Variants in ZNF445 observed in about 807,000 individuals in gnomAD.
The protein encoded by ZNF445 is zinc finger protein 168.
Under a neutral mutation model 93.9 loss-of-function variants are expected in ZNF445, and 19 were observed. The observed-to-expected ratio is 0.20, with a 90% CI of 0.14 to 0.30. The LOEUF (loss-of-function observed/expected upper bound fraction) is 0.30, where lower values mean the gene tolerates loss of function less well. ZNF445 is among the 10% of genes least tolerant of loss of function. The pLI is 1.00. For missense variants in ZNF445, 1,058 were observed against 1,259.4 expected (o/e 0.84, Z 2.42); for synonymous variants, 449 against 446.3 (o/e 1.01, Z -0.08).
intron 1 of ZNF445, among the ~76,000 whole-genome samples, chr3:44,461,859 G>T (rs921871128): frequency 6.6e-6 from 1 of 151,980 alleles, no homozygotes; most frequent in Non-Finnish European, 1.5e-5. Flanking sequence ...TTGTAAAGCG[G>T]CTTGAACCCC....
In ZNF445 at chr3:44,447,154, A is replaced by T; in HGVS notation, c.2517T>A (p.Arg839=). The T allele has an allele frequency of 6.2e-7, 1 of 1,614,200 alleles. No homozygotes were observed. The highest frequency in any genetic ancestry group is 8.5e-7 in the Non-Finnish European group (1 of 1,180,032). The part of the protein sequence containing the change: ...VEPKILTGEK[R]FWCQECGKTF... Reference sequence around the variant, plus strand: ...TTTTCCCACATTCTTGACACCAAAAACGTTTCTCACCAGTGAGGATTTTTG... The same window carrying T: ...TTTTCCCACATTCTTGACACCAAAATCGTTTCTCACCAGTGAGGATTTTTG... The change falls in exon 8 of 8, where the codon CGT becomes CGA. Residue 839 remains arginine, a synonymous_variant. Transcript: ENST00000396077. This position sits in a 1 kb window ranked among gnomAD's most constrained non-coding sequence, Gnocchi z 4.7.
chr3:44,436,432 T>A lies in ZNF445; in HGVS notation c.*10143A>T, dbSNP rs1697681021. 6.6e-6 allele frequency: 1 copy of A among 152,224 alleles called. No homozygotes were observed. Among genetic ancestry groups the A allele is most frequent in the African/African-American group, 2.4e-5 (1 of 41,466 alleles). The allele number at this position is 152,224 out of a possible 1,614,324, so 9.4% of individuals were successfully genotyped here. ...CTTCAGGGAGCATTTCCCACTGTAA[T>A]GTGGCCTGTATAGAATATCTGGCAC... On this transcript the variant is annotated 3_prime_UTR_variant, in exon 8 of 8. Transcript: ENST00000396077.
At chr3:44,474,318 T>C (rs759741721) in intron 1 of ZNF445, among the ~76,000 whole-genome samples, 8 of 152,042 alleles carry the variant, frequency 5.3e-5, no homozygotes, top group Non-Finnish European at 1.2e-4. Context: ...AGTTTGAGAC[T>C]AGCCTGACCA....
At chr3:44,476,696 CAG>C (rs1698362447) in intron 1 of ZNF445, among the ~76,000 whole-genome samples, 1 of 152,166 alleles carries the variant, frequency 6.6e-6, no homozygotes, top group Admixed American at 6.5e-5. Flanking sequence ...CTGTGCAAGT[CAG>C]AGTGTGCTAC....
In ZNF445 at chr3:44,448,332, G is replaced by A. The variant is rs1314022460; in HGVS notation, c.1339C>T (p.His447Tyr). The A allele has an allele frequency of 1.2e-6, 2 of 1,614,188 alleles. No individual in the cohort carries two copies. Among genetic ancestry groups the A allele is most frequent in the East Asian group, 2.2e-5 (1 of 44,878 alleles). The change falls in exon 8 of 8, where the codon CAT becomes TAT. Residue 447 changes from histidine (H) to tyrosine (Y), a missense_variant. Transcript: ENST00000396077. ...TTCAGTCCACTATGAATTCTCTGAT[G>A]TAGGCTGAAGCCCCCAATCATGTGT... is the stretch of plus-strand genomic sequence containing the variant. ...LRHMIGGFSLHQRIHSGLKGN... is the reference protein window; with the variant it reads ...LRHMIGGFSLYQRIHSGLKGN...
Position 44,461,398 on chromosome 3 carries a change from C to G in ZNF445, c.-268-3034G>C, listed in dbSNP as rs955192968. Among the ~76,000 whole-genome samples, 13 of 152,222 alleles carry G rather than the reference C, an allele frequency of 8.5e-5. 1 individual carries two copies. Among genetic ancestry groups the G allele is most frequent in the Admixed American group, 8.5e-4 (13 of 15,290 alleles). On this transcript the variant is annotated intron_variant, in intron 1 of 7. Coordinates refer to ENST00000396077, the MANE Select transcript of ZNF445 (RefSeq NM_181489.6). ...ATAGGAGGATAGCTTGGTTAGGGATCTGATTTAGAAGGCTGTCTGTCTCAT... is the reference window on the plus strand; with the variant it reads ...ATAGGAGGATAGCTTGGTTAGGGATGTGATTTAGAAGGCTGTCTGTCTCAT...
chr3:44,450,826 G>C, intron 5 of ZNF445, 42 bp downstream of exon 5: 1 of 1,471,744 alleles, frequency 6.8e-7, no homozygotes, highest in Non-Finnish European at 9.1e-7. Flanking sequence ...ATTAGGCAGC[G>C]ACGTGGGGAC....
chr3:44,450,718 T>G (rs1697945239), intron 5 of ZNF445, 145 bp from the exon 6 acceptor site: 1 of 1,313,426 alleles, frequency 7.6e-7, no homozygotes, highest in Non-Finnish European at 1.0e-6. Flanking sequence ...GCAGAAGACC[T>G]CTGGGCTTGA....
At position 44,441,170 on chromosome 3, in the gene ZNF445, C is replaced by T. The variant is rs1377668677; in HGVS notation, c.*5405G>A. 1 of 152,244 alleles carries T rather than the reference C, an allele frequency of 6.6e-6. No individual in the cohort carries two copies. The highest frequency in any genetic ancestry group is 6.5e-5 in the Admixed American group (1 of 15,290). 9.4% of individuals were successfully genotyped at this position (152,244 alleles called of 1,614,324 possible). ...CCTCATAATCCGCCCGCCTTGGCCTCCCAAAGTGCTGGGATTACAGGCATG... is the reference window on the plus strand; with the variant it reads ...CCTCATAATCCGCCCGCCTTGGCCTTCCAAAGTGCTGGGATTACAGGCATG... On this transcript the variant is annotated 3_prime_UTR_variant, in exon 8 of 8. Transcript: ENST00000396077.
chr3:44,437,543 T>C lies in ZNF445; in HGVS notation c.*9032A>G, dbSNP rs539046964. The stretch of plus-strand genomic sequence containing the variant: ...GTGAAAGGACAGCTACTCCATAGAG[T>C]AGGATGGAGTAACCTCTAACCTGAG... On this transcript the variant is annotated 3_prime_UTR_variant, in exon 8 of 8. Coordinates refer to ENST00000396077, the MANE Select transcript of ZNF445 (RefSeq NM_181489.6). 6.6e-6 allele frequency: 1 copy of C among 152,156 alleles called. No individual in the cohort carries two copies. Among genetic ancestry groups the C allele is most frequent in the Non-Finnish European group, 1.5e-5 (1 of 68,006 alleles). The allele number at this position is 152,156 out of a possible 1,614,324, so 9.4% of individuals were successfully genotyped here.
At chr3:44,458,789 C>T (rs1223943138) in intron 1 of ZNF445, among the ~76,000 whole-genome samples, 1 of 152,144 alleles carries the variant, frequency 6.6e-6, no homozygotes, top group Non-Finnish European at 1.5e-5. Flanking sequence ...TTTCTGCTGG[C>T]CGTAAATTCT....
chr3:44,477,609 G>T lies in ZNF445; in HGVS notation c.-287C>A. On this transcript the variant is annotated 5_prime_UTR_variant, in exon 1 of 8. Coordinates refer to ENST00000396077, the MANE Select transcript of ZNF445 (RefSeq NM_181489.6). ...CTCTCACCGACTCCCGCCGCCGAGC[G>T]ACAATCGGTCCACCCGCCGCCACCG... The T allele has an allele frequency of 6.6e-6, 1 of 152,196 alleles. No individual in the cohort carries two copies. Among genetic ancestry groups the T allele is most frequent in the South Asian group, 1.9e-4 (1 of 5,150 alleles). The allele number at this position is 152,196 out of a possible 1,614,324, so 9.4% of individuals were successfully genotyped here.
chr3:44,447,695 C>T lies in ZNF445; in HGVS notation c.1976G>A (p.Arg659His), dbSNP rs777430688. 3.7e-6 allele frequency: 6 copies of T among 1,614,150 alleles called. No individual in the cohort carries two copies. Among genetic ancestry groups the T allele is most frequent in the South Asian group, 2.2e-5 (2 of 91,086 alleles). Residue 659 changes from arginine to histidine, a missense_variant, in exon 8 of 8, where the codon CGT (arginine) becomes CAT (histidine). Coordinates refer to ENST00000396077, the MANE Select transcript of ZNF445 (RefSeq NM_181489.6). The surrounding 1 kb of genome is among the most constrained non-coding windows in gnomAD (Gnocchi z 4.7). ...EEKFYKQDEC[R>H]EGFRQSPDCS... ...GTCAGGAGATTGCCTGAAGCCTTCA[C>T]GACATTCATCTTGTTTGTAGAATTT...
In ZNF445 at chr3:44,436,999, G is replaced by A. The variant is rs1247114142; in HGVS notation, c.*9576C>T. The A allele has an allele frequency of 3.9e-5, 6 of 152,026 alleles. No individual in the cohort carries two copies. The highest frequency in any genetic ancestry group is 1.5e-4 in the African/African-American group (6 of 41,340). 9.4% of individuals were successfully genotyped at this position (152,026 alleles called of 1,614,324 possible). On this transcript the variant is annotated 3_prime_UTR_variant, in exon 8 of 8. Transcript: ENST00000396077. ...TTCAGGGCGAGTCCGTAAAGAGAAAGCAAGTTTATTAAGTAAAGGAATAAA... is the reference window on the plus strand; with the variant it reads ...TTCAGGGCGAGTCCGTAAAGAGAAAACAAGTTTATTAAGTAAAGGAATAAA...
At chr3:44,463,014 TG>T (rs1698140543) in intron 1 of ZNF445, among the ~76,000 whole-genome samples, 14 of 5,326 alleles carry the variant, frequency 2.6e-3, no homozygotes, top group Non-Finnish European at 5.3e-3. Context: ...TTTTTCTTTG[TG>T]TGTGTGTGTG....
chr3:44,468,065 C>G (rs1698217335), intron 1 of ZNF445, among the ~76,000 whole-genome samples: 1 of 152,210 alleles, frequency 6.6e-6, no homozygotes, highest in Non-Finnish European at 1.5e-5. Flanking sequence ...GCCATGCAAG[C>G]CATGAACGCC....
At chr3:44,456,318 G>A (rs1170134732) in intron 2 of ZNF445, among the ~76,000 whole-genome samples, 1 of 152,170 alleles carries the variant, frequency 6.6e-6, no homozygotes, top group Non-Finnish European at 1.5e-5. Context: ...TCAGGAAGCT[G>A]AGGCACAAGA....
At position 44,434,511 on chromosome 3, in the gene ZNF445, C is replaced by T. The variant is rs190910261; in HGVS notation, c.*12064G>A. ...CTGAGTCATATTATGTGTCTTCCAA[C>T]ATGTCTGGAGCAGTTGCTACTCCCT... On this transcript the variant is annotated 3_prime_UTR_variant, in exon 8 of 8. Coordinates refer to ENST00000396077, the MANE Select transcript of ZNF445 (RefSeq NM_181489.6). 1.6e-3 allele frequency: 248 copies of T among 152,204 alleles called. 1 individual carries two copies. Among genetic ancestry groups the T allele is most frequent in the African/African-American group, 5.9e-3 (243 of 41,522 alleles). The allele number at this position is 152,204 out of a possible 1,614,324, so 9.4% of individuals were successfully genotyped here. A position where few individuals can be genotyped will look rare whatever the true frequency, so the allele number is the denominator to read the frequency against.
At chr3:44,474,217 T>G (rs545957261) in intron 1 of ZNF445, among the ~76,000 whole-genome samples, 1 of 152,214 alleles carries the variant, frequency 6.6e-6, no homozygotes, top group African/African-American at 2.4e-5. Context: ...AGGGACTTTA[T>G]AAAAATACAA....
Sources: gnomAD v4.1 joint callset for allele counts (sites outside exome capture counted in the v4.1 genomes callset) on GRCh38, gnomAD v4.1.1 for gene constraint, Gnocchi (gnomAD v3.1) non-coding constraint, MANE v1.5 for transcripts, NCBI Gene and HGNC (gene_info 2026-07-23, HGNC 2026-07-21) for gene names.